LGALS3: variants seen among roughly 807,000 people sequenced by gnomAD.
LGALS3 encodes the protein galectin-3.
LGALS3 carries 18 observed loss-of-function variants against 20.7 expected under a neutral mutation model. The ratio of observed to expected loss-of-function variants is 0.87; its 90% CI spans 0.60 to 1.29. The LOEUF (loss-of-function observed/expected upper bound fraction) is 1.29. Among genes scored for constraint, LGALS3 ranks in the 50% most tolerant of loss-of-function variants. The pLI, the probability that LGALS3 is intolerant of heterozygous loss-of-function variation, is 0.00. For missense variants in LGALS3, 315 were observed against 314.7 expected (o/e 1.00, Z -0.01); for synonymous variants, 112 against 119.6 (o/e 0.94, Z 0.42).
intron 1 of LGALS3, among the ~76,000 whole-genome samples, chr14:55,134,090 A>C (rs1291043742): frequency 6.6e-6 from 1 of 152,096 alleles, no homozygotes; most frequent in East Asian, 1.9e-4. Context: ...TTTTTGGTAG[A>C]GACTGGGGTT....
At chr14:55,141,069 T>C (rs1372330895) in intron 4 of LGALS3, among the ~76,000 whole-genome samples, 1 of 152,200 alleles carries the variant, frequency 6.6e-6, no homozygotes. Flanking sequence ...ATTCAAGCCA[T>C]GTACACAGGT....
intron 5 of LGALS3, chr14:55,143,644 T>A: frequency 5.4e-6 from 1 of 184,374 alleles, no homozygotes; most frequent in South Asian, 7.7e-5. Context: ...ATGGTCTTGA[T>A]CTCTTGACCT....
At chr14:55,134,727 G>A (rs752341547) in intron 1 of LGALS3, among the ~76,000 whole-genome samples, 13 of 152,158 alleles carry the variant, frequency 8.5e-5, no homozygotes, top group Non-Finnish European at 1.0e-4. Context: ...AGGATGTAAC[G>A]TAAATGAAAG....
chr14:55,145,048 G>C (rs1881765220), intron 5 of LGALS3, 68 bp from the exon 6 acceptor site: 1 of 1,249,566 alleles, frequency 8.0e-7, no homozygotes, highest in Admixed American at 1.9e-5. Context: ...TGTATATATT[G>C]TGGAATGCCT....
intron 1 of LGALS3, among the ~76,000 whole-genome samples, chr14:55,131,227 T>C (rs903811332): frequency 6.6e-6 from 1 of 152,082 alleles, no homozygotes; most frequent in Non-Finnish European, 1.5e-5. Flanking sequence ...TACCGCCTGA[T>C]GGATTGACCC....
chr14:55,136,776 C>G (rs1881408133), intron 1 of LGALS3, among the ~76,000 whole-genome samples: 1 of 152,096 alleles, frequency 6.6e-6, no homozygotes, highest in Non-Finnish European at 1.5e-5. Flanking sequence ...CTATTTTTGT[C>G]ACCCATTAAC....
intron 1 of LGALS3, among the ~76,000 whole-genome samples, chr14:55,133,948 G>A (rs1458030674): frequency 6.6e-6 from 1 of 152,084 alleles, no homozygotes; most frequent in African/African-American, 2.4e-5. Flanking sequence ...CTACCTTTTT[G>A]GTTTTTATTG....
At chr14:55,131,759 G>T (rs533808786) in intron 1 of LGALS3, among the ~76,000 whole-genome samples, 2 of 151,146 alleles carry the variant, frequency 1.3e-5, no homozygotes, top group East Asian at 3.8e-4. Context: ...TTTTCCGTAG[G>T]GGGGAAGATC....
chr14:55,135,411 A>T (rs1195877691), intron 1 of LGALS3, among the ~76,000 whole-genome samples: 2 of 152,140 alleles, frequency 1.3e-5, no homozygotes, highest in Non-Finnish European at 2.9e-5. Flanking sequence ...ATAAAAAAAA[A>T]TGTAAATCAG....
rs1257872753 is a variant in LGALS3, at chr14:55,129,565, G to A, written c.-5+265G>A. Among the ~76,000 whole-genome samples the A allele has an allele frequency of 6.6e-6, 1 of 152,162 alleles. No individual in the cohort carries two copies. The highest frequency in any genetic ancestry group is 1.5e-5 in the Non-Finnish European group (1 of 68,018). On this transcript the variant is annotated intron_variant, in intron 1 of 5. Transcript: ENST00000254301. This position sits in a 1 kb window ranked among gnomAD's most constrained non-coding sequence, Gnocchi z 5.3. ...CCTTACGAGACCCACACACGTCCCC[G>A]GGGCGGCACGGGCCACCTTCTGCGG...
intron 3 of LGALS3, among the ~76,000 whole-genome samples, chr14:55,138,974 C>A (rs141552895): frequency 1.8e-4 from 28 of 152,266 alleles, no homozygotes; most frequent in African/African-American, 6.5e-4. Flanking sequence ...GATTTATAAT[C>A]TAGTTGGATG....
rs765938584 is a variant in LGALS3, at chr14:55,138,216, CCTGGAGCACCTGGAGCTT to C, written c.191_208del (p.Pro64_Tyr70delinsHis). 1.2e-5 allele frequency: 19 copies of C among 1,612,732 alleles called. No individual in the cohort carries two copies. Among genetic ancestry groups the C allele is most frequent in the South Asian group, 1.1e-5 (1 of 91,078 alleles). On this transcript the variant is annotated inframe_deletion, in exon 3 of 6. Transcript: ENST00000254301. The stretch of plus-strand genomic sequence containing the variant: ...TGGACAGGCACCTCCAGGCGCCTAC[CCTGGAGCACCTGGAGCTT>C]ATCCCGGAGCACCTGCACCTGGAGT...
chr14:55,131,299 T>C lies in LGALS3; in HGVS notation c.-5+1999T>C, dbSNP rs997576122. Among the ~76,000 whole-genome samples, 3 of 152,222 alleles carry C rather than the reference T, an allele frequency of 2.0e-5. No homozygotes were observed. The South Asian group carries it at 6.2e-4, about 32-fold the overall frequency. ...GCTCTGTTAAGCGGTCTTTAAACTA[T>C]GATAGTTCGCTGTACTACAAATATG... On this transcript the variant is annotated intron_variant, in intron 1 of 5. Coordinates refer to ENST00000254301, the MANE Select transcript of LGALS3 (RefSeq NM_002306.4).
intron 4 of LGALS3, among the ~76,000 whole-genome samples, chr14:55,141,368 T>G (rs1317602197): frequency 6.6e-6 from 1 of 152,120 alleles, no homozygotes; most frequent in Non-Finnish European, 1.5e-5. Flanking sequence ...TATCCGTATT[T>G]CCTCCCAACA....
At chr14:55,137,189 G>A (rs932961674) in intron 1 of LGALS3, 181 bp from the exon 2 acceptor site, 1 of 681,704 alleles carries the variant, frequency 1.5e-6, no homozygotes, top group Non-Finnish European at 2.7e-6. Context: ...AATAGGGTTT[G>A]GCAATCTAGC....
Position 55,145,145 on chromosome 14 carries a change from C to G in LGALS3, c.627C>G (p.Phe209Leu), listed in dbSNP as rs1333716428. ...AAGTACTGGTTGAACCTGACCACTTCAAGGTTGCAGTGAATGATGCTCACT... is the reference window on the plus strand; with the variant it reads ...AAGTACTGGTTGAACCTGACCACTTGAAGGTTGCAGTGAATGATGCTCACT... The part of the protein sequence containing the change: ...KIQVLVEPDH[F>L]KVAVNDAHLL... Residue 209 changes from phenylalanine to leucine, a missense_variant, in exon 6 of 6, where the codon TTC becomes TTG. Transcript: ENST00000254301. 6.2e-7 allele frequency: 1 copy of G among 1,613,868 alleles called. No homozygotes were observed. The highest frequency in any genetic ancestry group is 1.3e-5 in the African/African-American group (1 of 74,898).
intron 5 of LGALS3, among the ~76,000 whole-genome samples, chr14:55,144,505 C>G (rs1033076276): frequency 2.6e-4 from 39 of 149,428 alleles, no homozygotes; most frequent in African/African-American, 8.7e-4. Context: ...ACTTATGTAT[C>G]CTTCTAATAA....
Position 55,142,715 on chromosome 14 carries a change from C to A in LGALS3, c.563C>A (p.Ser188Ter). The change falls in exon 5 of 6, where the codon TCG becomes TAG. Residue 188 changes from serine to a stop codon, truncating the protein, a stop_gained. Coordinates refer to ENST00000254301, the MANE Select transcript of LGALS3 (RefSeq NM_002306.4). LOFTEE classifies it high-confidence loss of function. Reference sequence around the variant, plus strand: ...AACTGGGGAAGGGAAGAAAGACAGTCGGTTTTCCCATTTGAAAGTGGGAAA... The same window carrying A: ...AACTGGGGAAGGGAAGAAAGACAGTAGGTTTTCCCATTTGAAAGTGGGAAA... Reference protein sequence around the residue: ...DNNWGREERQSVFPFESGKPF... With the variant: ...DNNWGREERQ 1 of 1,613,480 alleles carries A rather than the reference C, an allele frequency of 6.2e-7. No homozygotes were observed. The highest frequency in any genetic ancestry group is 1.1e-5 in the South Asian group (1 of 91,022).
At chr14:55,137,267 C>G in intron 1 of LGALS3, 103 bp from the exon 2 acceptor site, 1 of 1,112,370 alleles carries the variant, frequency 9.0e-7, no homozygotes, top group South Asian at 1.2e-5. Flanking sequence ...GGCATAATGC[C>G]TAGAGATGGA....
Sources: allele counts gnomAD v4.1 joint callset (sites outside exome capture counted in the v4.1 genomes callset), GRCh38; gene constraint gnomAD v4.1.1; non-coding constraint Gnocchi (gnomAD v3.1); transcripts MANE v1.5; gene names NCBI Gene and HGNC (gene_info 2026-07-23, HGNC 2026-07-21).